CLIP2: variants seen among roughly 807,000 people sequenced by gnomAD.
CLIP2 encodes the protein CAP-Gly domain containing linker protein 2, also known as CAP-Gly domain-containing linker protein 2.
CLIP2 carries 41 observed loss-of-function variants against 111.7 expected under a neutral mutation model. The ratio of observed to expected loss-of-function variants is 0.37; its 90% CI spans 0.29 to 0.48. The LOEUF is 0.48. Among genes scored for constraint, CLIP2 ranks in the 20% least tolerant of loss-of-function variants. CLIP2 has a pLI of 0.99. For synonymous variants in CLIP2, 660 were observed against 644.2 expected (o/e 1.02, Z -0.37); for missense variants, 1,160 against 1,422.1 (o/e 0.82, Z 2.96).
intron 1 of CLIP2, among the ~76,000 whole-genome samples, chr7:74,315,133 G>T (rs564355986): frequency 3.9e-5 from 6 of 152,094 alleles, no homozygotes; most frequent in Non-Finnish European, 8.8e-5. Flanking sequence ...AAAATTAGCC[G>T]GGCGTGGTGA....
At chr7:74,323,477 T>C (rs758053744) in intron 2 of CLIP2, among the ~76,000 whole-genome samples, 1 of 150,164 alleles carries the variant, frequency 6.7e-6, no homozygotes. Context: ...GCCCAGGCTG[T>C]AGTGCAGTGG....
In CLIP2 at chr7:74,376,849, CGGGAGGGTCGGGCTG is replaced by C; in HGVS notation, c.2421+35_2421+49del. ...TAGGCGCCTGCCCCTCCTGCTGGGGCGGGAGGGTCGGGCTGGGGAGGGCTTGGCCTTTTGCTGACC... is the reference window on the plus strand; with the variant it reads ...TAGGCGCCTGCCCCTCCTGCTGGGGCGGGAGGGCTTGGCCTTTTGCTGACC... On this transcript the variant is annotated intron_variant, in intron 10 of 16. Coordinates refer to ENST00000223398, the MANE Select transcript of CLIP2 (RefSeq NM_003388.5). This position sits in a 1 kb window ranked among gnomAD's most constrained non-coding sequence, Gnocchi z 7.1. The C allele has an allele frequency of 6.6e-7, 1 of 1,520,610 alleles. No homozygotes were observed. Among genetic ancestry groups the C allele is most frequent in the Non-Finnish European group, 8.8e-7 (1 of 1,134,386 alleles). The allele number at this position is 1,520,610 out of a possible 1,614,324, so 94.2% of individuals were successfully genotyped here. A position where few individuals can be genotyped will look rare whatever the true frequency, so the allele number is the denominator to read the frequency against.
At chr7:74,307,771 A>G (rs1788534680) in intron 1 of CLIP2, among the ~76,000 whole-genome samples, 1 of 152,124 alleles carries the variant, frequency 6.6e-6, no homozygotes, top group Non-Finnish European at 1.5e-5. Flanking sequence ...GATTACAGGC[A>G]TGAGCCACCG....
chr7:74,379,972 G>C (rs1230013635), intron 10 of CLIP2: 1 of 152,108 alleles, frequency 6.6e-6, no homozygotes, highest in Non-Finnish European at 1.5e-5. Flanking sequence ...GAAAAATTTA[G>C]TGTGAGCCTC....
At position 74,349,488 on chromosome 7, in the gene CLIP2, A is replaced by G. The variant is rs1340156704; in HGVS notation, c.679-4392A>G. Among the ~76,000 whole-genome samples, 6 of 121,054 alleles carry G rather than the reference A, an allele frequency of 5.0e-5. 1 individual carries two copies. The highest frequency in any genetic ancestry group is 1.4e-4 in the African/African-American group (4 of 29,548). 79.4% of individuals were successfully genotyped at this position (121,054 alleles called of 152,430 possible). A position where few individuals can be genotyped will look rare whatever the true frequency, so the allele number is the denominator to read the frequency against. On this transcript the variant is annotated intron_variant, in intron 3 of 16. Transcript: ENST00000223398. ...TGTGTGTGTATATATATATATATAT[A>G]TATATATATATATATATATATATGT...
At chr7:74,320,385 G>A (rs896760341) in intron 2 of CLIP2, among the ~76,000 whole-genome samples, 12 of 151,814 alleles carry the variant, frequency 7.9e-5, no homozygotes, top group Admixed American at 2.0e-4. Flanking sequence ...AATTAGGCAC[G>A]GTGGTGTATA....
At chr7:74,359,493 A>G (rs570235917) in intron 6 of CLIP2, among the ~76,000 whole-genome samples, 1 of 151,442 alleles carries the variant, frequency 6.6e-6, no homozygotes, top group East Asian at 1.9e-4. Flanking sequence ...AGCTGGGACT[A>G]CAGGAGCCCA....
At position 74,356,208 on chromosome 7, in the gene CLIP2, C is replaced by G. The variant is rs557978443; in HGVS notation, c.804-202C>G. 7.9e-5 allele frequency among the ~76,000 whole-genome samples: 12 copies of G among 152,318 alleles called. No individual in the cohort carries two copies. In the East Asian group the frequency reaches 2.3e-3, roughly 29 times the overall value. On this transcript the variant is annotated intron_variant, in intron 4 of 16. Coordinates refer to ENST00000223398, the MANE Select transcript of CLIP2 (RefSeq NM_003388.5). ...GGCTGTTCACAGCTGCAGAGACTCT[C>G]AGACCCTACTCACCTATATCCTTTT...
Position 74,376,142 on chromosome 7 carries a change from C to G in CLIP2, c.1741C>G (p.Leu581Val). 1.9e-6 allele frequency: 3 copies of G among 1,609,490 alleles called. No homozygotes were observed. Among genetic ancestry groups the G allele is most frequent in the Non-Finnish European group, 2.5e-6 (3 of 1,177,868 alleles). The change falls in exon 10 of 17, where the codon CTC becomes GTC. Residue 581 changes from leucine to valine, a missense_variant. By Grantham distance (32) the Leu-to-Val change is conservative. This residue lies in a region of CLIP2 where 676 missense variants were observed against 777.8 expected (regional missense o/e 0.87). Transcript: ENST00000223398. The surrounding 1 kb of genome is among the most constrained non-coding windows in gnomAD (Gnocchi z 7.1). ...LKAYQAEVDKLRAANEKYAQE... is the reference protein window; with the variant it reads ...LKAYQAEVDKVRAANEKYAQE... The stretch of plus-strand genomic sequence containing the variant: ...GGCCTACCAGGCGGAGGTGGACAAG[C>G]TCCGCGCGGCCAACGAGAAGTACGC...
In CLIP2 at chr7:74,404,008, T is replaced by C; in HGVS notation, c.*160T>C. 1.3e-6 allele frequency: 1 copy of C among 774,606 alleles called. No individual in the cohort carries two copies. The highest frequency in any genetic ancestry group is 2.6e-5 in the East Asian group (1 of 37,824). The allele number at this position is 774,606 out of a possible 1,614,324, so 48.0% of individuals were successfully genotyped here. A position where few individuals can be genotyped will look rare whatever the true frequency, so the allele number is the denominator to read the frequency against. ...CGCCGCGGACAATCCCCCACCCCGATCCCTCGCCAGACCAGGACGCTTCCT... is the reference window on the plus strand; with the variant it reads ...CGCCGCGGACAATCCCCCACCCCGACCCCTCGCCAGACCAGGACGCTTCCT... On this transcript the variant is annotated 3_prime_UTR_variant, in exon 17 of 17. Coordinates refer to ENST00000223398, the MANE Select transcript of CLIP2 (RefSeq NM_003388.5).
intron 14 of CLIP2, among the ~76,000 whole-genome samples, chr7:74,398,967 A>C (rs1584395444): frequency 6.6e-6 from 1 of 152,210 alleles, no homozygotes; most frequent in Admixed American, 6.5e-5. Flanking sequence ...CCTCTGCCCC[A>C]GGGTAGCCTC....
intron 16 of CLIP2, among the ~76,000 whole-genome samples, chr7:74,403,303 G>A (rs1280666006): frequency 6.6e-6 from 1 of 152,052 alleles, no homozygotes; most frequent in African/African-American, 2.4e-5. Flanking sequence ...GGGCGCAGTG[G>A]CTCATGCCTG....
At chr7:74,333,629 G>A (rs1375239674) in intron 2 of CLIP2, among the ~76,000 whole-genome samples, 8 of 152,012 alleles carry the variant, frequency 5.3e-5, no homozygotes, top group Admixed American at 2.0e-4. Flanking sequence ...CTACAGGAGC[G>A]AGCCACCATG....
At chr7:74,320,195 CAAAA>C (rs34079690) in intron 2 of CLIP2, among the ~76,000 whole-genome samples, 4 of 99,274 alleles carry the variant, frequency 4.0e-5, no homozygotes, top group South Asian at 3.4e-4. Context: ...GATTCCATCT[CAAAA>C]AAAAAAAAAA....
At chr7:74,360,532 G>A (rs978932462) in intron 7 of CLIP2, among the ~76,000 whole-genome samples, 21 of 152,138 alleles carry the variant, frequency 1.4e-4, no homozygotes, top group African/African-American at 4.1e-4. Context: ...GCACGGTGCC[G>A]GGCACAGAGG....
At chr7:74,297,589 G>A (rs1788208220) in intron 1 of CLIP2, among the ~76,000 whole-genome samples, 1 of 152,080 alleles carries the variant, frequency 6.6e-6, no homozygotes, top group South Asian at 2.1e-4. Context: ...CTCACTGCCT[G>A]TTCCTTTGTT....
At chr7:74,312,923 C>T (rs797040292) in intron 1 of CLIP2, among the ~76,000 whole-genome samples, 5 of 152,164 alleles carry the variant, frequency 3.3e-5, no homozygotes, top group African/African-American at 1.2e-4. Context: ...CATCGGATGC[C>T]CTCACGCACA....
chr7:74,388,016 C>A (rs1270759673), intron 12 of CLIP2, among the ~76,000 whole-genome samples: 2 of 152,058 alleles, frequency 1.3e-5, no homozygotes, highest in Non-Finnish European at 2.9e-5. Flanking sequence ...TGTGAGGCCT[C>A]ATTTCTATGA....
chr7:74,361,628 C>A (rs1258472142), intron 7 of CLIP2, among the ~76,000 whole-genome samples: 2 of 152,150 alleles, frequency 1.3e-5, no homozygotes, highest in African/African-American at 4.8e-5. Flanking sequence ...TGCGATCCTC[C>A]CACCTCAGCC....
Sources: allele counts gnomAD v4.1 joint callset (sites outside exome capture counted in the v4.1 genomes callset), GRCh38; gene constraint gnomAD v4.1.1; regional missense constraint gnomAD v4.1.1; non-coding constraint Gnocchi (gnomAD v3.1); transcripts MANE v1.5; gene names NCBI Gene and HGNC (gene_info 2026-07-23, HGNC 2026-07-21).